The following PARP1 variants were observed in gnomAD, a reference collection of about 807,000 sequenced individuals.
The protein encoded by PARP1 is poly(ADP-ribose) polymerase 1.
A neutral mutation model predicts 118.7 loss-of-function variants in PARP1; 44 were observed. That is an observed-to-expected ratio of 0.37 (90% CI 0.29 to 0.48). The LOEUF (loss-of-function observed/expected upper bound fraction) is 0.48. Ranked by LOEUF, PARP1 falls within the 20% of genes least tolerant of loss-of-function variation. The pLI, the probability that PARP1 is intolerant of heterozygous loss-of-function variation, is 0.99. For synonymous variants in PARP1, 492 were observed against 483.2 expected, an observed-to-expected ratio of 1.02 and a Z score of -0.24; for missense variants, 1,100 against 1,272.4, an observed-to-expected ratio of 0.86 and a Z score of 2.06.
Position 226,408,054 on chromosome 1 carries a change from A to T in PARP1, c.-125T>A, listed in dbSNP as rs1342071910. Reference sequence around the variant, plus strand: ...CCTGAGCGGCCAGAGCCGCCACCGAACACGCCGCACCGGCCACCGCCGTTC... The same window carrying T: ...CCTGAGCGGCCAGAGCCGCCACCGATCACGCCGCACCGGCCACCGCCGTTC... On this transcript the variant is annotated 5_prime_UTR_variant, in exon 1 of 23. Coordinates refer to ENST00000366794, the MANE Select transcript of PARP1 (RefSeq NM_001618.4). 7.3e-7 allele frequency: 1 copy of T among 1,377,580 alleles called. No individual in the cohort carries two copies. Among genetic ancestry groups the T allele is most frequent in the African/African-American group, 1.4e-5 (1 of 70,108 alleles). The allele number at this position is 1,377,580 out of a possible 1,614,324, so 85.3% of individuals were successfully genotyped here.
intron 7 of PARP1, among the ~76,000 whole-genome samples, chr1:226,384,292 G>C (rs928385024): frequency 6.6e-6 from 1 of 152,192 alleles, no homozygotes; most frequent in African/African-American, 2.4e-5. Flanking sequence ...AGGAAGAAAA[G>C]GGTGGCAGAA....
intron 3 of PARP1, among the ~76,000 whole-genome samples, chr1:226,390,917 C>G (rs995783184): frequency 1.3e-5 from 2 of 152,082 alleles, no homozygotes; most frequent in Non-Finnish European, 2.9e-5. Context: ...TTCTGCTGAC[C>G]TGGGGCAGGC....
chr1:226,383,780 A>T (rs1055222035), intron 7 of PARP1, among the ~76,000 whole-genome samples: 5 of 152,214 alleles, frequency 3.3e-5, no homozygotes, highest in Admixed American at 3.3e-4. Flanking sequence ...CTAAATGGTC[A>T]CTCAATAAGT....
rs371661946 is a variant in PARP1 at position 226,374,217 on chromosome 1, C to T, written c.2070+9G>A. On this transcript the variant is annotated intron_variant, in intron 14 of 22. Coordinates refer to ENST00000366794, the MANE Select transcript of PARP1 (RefSeq NM_001618.4). Reference sequence around the variant, plus strand: ...AATGCTCACAGATAAAATGATAAAGCGCAATAACCTCATACTCCACCATGG... The same window carrying T: ...AATGCTCACAGATAAAATGATAAAGTGCAATAACCTCATACTCCACCATGG... 17 of 1,613,320 alleles carry T rather than the reference C, an allele frequency of 1.1e-5. No individual in the cohort carries two copies. In the Admixed American group the frequency reaches 1.3e-4, roughly 13 times the overall value.
At chr1:226,374,419 G>A (rs1312931616) in intron 13 of PARP1, 65 bp from the exon 14 acceptor site, 1 of 1,598,456 alleles carries the variant, frequency 6.3e-7, no homozygotes, top group Non-Finnish European at 8.6e-7. Flanking sequence ...ATCTGCGTCT[G>A]TGGGGCTGGA....
chr1:226,377,085 G>T, intron 13 of PARP1, 23 bp downstream of exon 13: 2 of 1,595,190 alleles, frequency 1.3e-6, no homozygotes, highest in Non-Finnish European at 1.7e-6. Flanking sequence ...GAAGCAGACA[G>T]TGTAAGGGCA....
At chr1:226,395,117 A>G (rs1347129437) in intron 2 of PARP1, among the ~76,000 whole-genome samples, 3 of 152,088 alleles carry the variant, frequency 2.0e-5, no homozygotes, top group African/African-American at 7.2e-5. Flanking sequence ...TAGGATGGCT[A>G]TTATTTAAAA....
intron 1 of PARP1, 106 bp from the exon 2 acceptor site, chr1:226,402,485 G>A (rs1665058439): frequency 1.9e-6 from 2 of 1,052,568 alleles, no homozygotes; most frequent in Admixed American, 4.0e-5. Context: ...CCAGCAGTGG[G>A]ATAGCACATG....
Position 226,361,377 on chromosome 1 carries a change from T to G in PARP1, c.*83A>C. 1.2e-6 allele frequency: 1 copy of G among 860,638 alleles called. No homozygotes were observed. Among genetic ancestry groups the G allele is most frequent in the South Asian group, 1.4e-5 (1 of 72,868 alleles). The allele number at this position is 860,638 out of a possible 1,614,324, so 53.3% of individuals were successfully genotyped here. On this transcript the variant is annotated 3_prime_UTR_variant, in exon 23 of 23. Transcript: ENST00000366794. ...GTACAGGTACTACCCATCAGCAACT[T>G]AGCGGCCAGGTGAGTTGGTGCAGAA...
At chr1:226,396,724 T>C (rs1664931840) in intron 2 of PARP1, among the ~76,000 whole-genome samples, 1 of 152,094 alleles carries the variant, frequency 6.6e-6, no homozygotes, top group East Asian at 1.9e-4. Context: ...TTTCATATTA[T>C]AAAATTACAC....
At chr1:226,389,734 G>A (rs1349012858) in intron 4 of PARP1, among the ~76,000 whole-genome samples, 1 of 152,184 alleles carries the variant, frequency 6.6e-6, no homozygotes, top group Non-Finnish European at 1.5e-5. Flanking sequence ...GATAATGTGT[G>A]ATGGCTGCTT....
chr1:226,372,882 A>G (rs1242550901), intron 14 of PARP1, among the ~76,000 whole-genome samples: 1 of 151,898 alleles, frequency 6.6e-6, no homozygotes, highest in East Asian at 1.9e-4. Flanking sequence ...CTTTCCCTCC[A>G]CCTCCGTCCC....
chr1:226,372,157 G>C (rs553590568), intron 14 of PARP1, among the ~76,000 whole-genome samples: 72 of 152,344 alleles, frequency 4.7e-4, no homozygotes, highest in African/African-American at 1.7e-3. Flanking sequence ...CTCACAGGGA[G>C]AGTCAGGTTC....
intron 12 of PARP1, 141 bp downstream of exon 12, chr1:226,379,001 A>T: frequency 1.0e-6 from 1 of 1,001,078 alleles, no homozygotes; most frequent in Middle Eastern, 2.9e-4. Context: ...AAGGCCTTAT[A>T]ATTTGTTTTT....
chr1:226,385,427 C>G, intron 7 of PARP1, 77 bp downstream of exon 7: 1 of 1,258,752 alleles, frequency 7.9e-7, no homozygotes, highest in Non-Finnish European at 1.2e-6. Flanking sequence ...TCTCAGGGAC[C>G]TGAAGTATAA....
chr1:226,401,926 C>CT, intron 2 of PARP1: 1 of 1,408,830 alleles, frequency 7.1e-7, no homozygotes, highest in Non-Finnish European at 9.3e-7. Flanking sequence ...ACTGGAAACT[C>CT]TTTGTTCTTT....
At chr1:226,380,852 C>T (rs75460660) in intron 9 of PARP1, among the ~76,000 whole-genome samples, 43 of 152,214 alleles carry the variant, frequency 2.8e-4, no homozygotes, top group Non-Finnish European at 5.6e-4. Context: ...AGTAGCTTAC[C>T]GTCTTTAGTT....
chr1:226,390,720 G>A (rs1664807858), intron 3 of PARP1, 96 bp from the exon 4 acceptor site: 2 of 1,193,538 alleles, frequency 1.7e-6, no homozygotes, highest in Non-Finnish European at 1.2e-6. Flanking sequence ...AGGAGCTGAG[G>A]GTCCAAGCCA....
intron 1 of PARP1, among the ~76,000 whole-genome samples, chr1:226,407,568 C>T (rs1665176199): frequency 6.6e-6 from 1 of 152,076 alleles, no homozygotes; most frequent in Non-Finnish European, 1.5e-5. Flanking sequence ...TTTCACAAAG[C>T]GAAAGGCAAC....
Sources: gnomAD v4.1 joint callset for allele counts (sites outside exome capture counted in the v4.1 genomes callset) on GRCh38, gnomAD v4.1.1 for gene constraint, MANE v1.5 for transcripts, NCBI Gene and HGNC (gene_info 2026-07-23, HGNC 2026-07-21) for gene names.